The following PCSK6 variants were observed in gnomAD, a reference collection of about 807,000 sequenced individuals.
The protein encoded by PCSK6 is proprotein convertase subtilisin/kexin type 6.
A neutral mutation model predicts 123.3 loss-of-function variants in PCSK6; 85 were observed. The ratio of observed to expected loss-of-function variants is 0.69; its 90% CI spans 0.58 to 0.83. The LOEUF is 0.83. Ranked by LOEUF, PCSK6 falls within the 40% of genes least tolerant of loss-of-function variation. The pLI is 0.00. For missense variants in PCSK6, 1,191 were observed against 1,282.3 expected (o/e 0.93, Z 1.09); for synonymous variants, 508 against 516.0 (o/e 0.98, Z 0.21).
chr15:101,391,793 G>A (rs2042241325), intron 8 of PCSK6, among the ~76,000 whole-genome samples: 1 of 94,528 alleles, frequency 1.1e-5, no homozygotes, highest in Admixed American at 1.2e-4. Context: ...TAGTAGAGCT[G>A]AAAATAACAC....
chr15:101,444,562 C>T (rs1319149476), intron 1 of PCSK6, among the ~76,000 whole-genome samples: 1 of 152,138 alleles, frequency 6.6e-6, no homozygotes, highest in Non-Finnish European at 1.5e-5. Context: ...TCCTCTACAG[C>T]AGTTCTATAT....
chr15:101,312,558 T>C (rs2073593), intron 20 of PCSK6, among the ~76,000 whole-genome samples: 1 of 152,110 alleles, frequency 6.6e-6, no homozygotes, highest in South Asian at 2.1e-4. Context: ...AGGCCAGGTG[T>C]GGTGGCTCAC....
chr15:101,375,655 A>G (rs959600360), intron 11 of PCSK6, among the ~76,000 whole-genome samples: 8 of 151,834 alleles, frequency 5.3e-5, no homozygotes, highest in African/African-American at 1.9e-4. Flanking sequence ...GAGTGGTAAC[A>G]TAATGAGTCC....
intron 16 of PCSK6, among the ~76,000 whole-genome samples, chr15:101,325,492 G>A (rs1484254900): frequency 1.3e-5 from 2 of 152,208 alleles, no homozygotes; most frequent in African/African-American, 4.8e-5. Flanking sequence ...TGGGCACCCG[G>A]CTTGACCTTG....
At chr15:101,336,043 G>T (rs1449906071) in intron 13 of PCSK6, among the ~76,000 whole-genome samples, 6 of 152,322 alleles carry the variant, frequency 3.9e-5, no homozygotes, top group Admixed American at 3.9e-4. Flanking sequence ...TGAATATGGG[G>T]TCTGCTACTG....
At chr15:101,485,115 C>T (rs1407501093) in intron 1 of PCSK6, among the ~76,000 whole-genome samples, 3 of 152,286 alleles carry the variant, frequency 2.0e-5, no homozygotes, top group East Asian at 1.9e-4. Context: ...TCTTCCGTGT[C>T]GGGAAATCCA....
At chr15:101,386,021 T>C (rs2042050781) in intron 9 of PCSK6, among the ~76,000 whole-genome samples, 1 of 151,680 alleles carries the variant, frequency 6.6e-6, no homozygotes, top group Non-Finnish European at 1.5e-5. Flanking sequence ...AAACACATAC[T>C]CTTTCCTTCC....
chr15:101,449,616 T>C (rs903159296), intron 1 of PCSK6, among the ~76,000 whole-genome samples: 1 of 152,140 alleles, frequency 6.6e-6, no homozygotes, highest in African/African-American at 2.4e-5. Flanking sequence ...CCTTCGTACA[T>C]GTCAGCTTCA....
At chr15:101,348,605 A>G (rs1279703947) in intron 13 of PCSK6, among the ~76,000 whole-genome samples, 1 of 152,244 alleles carries the variant, frequency 6.6e-6, no homozygotes, top group Non-Finnish European at 1.5e-5. Flanking sequence ...TTCTGATGTT[A>G]TAGGCACTAT....
In PCSK6 at chr15:101,423,833, A is replaced by G. The variant is rs139242309; in HGVS notation, c.823+4059T>C. On this transcript the variant is annotated intron_variant, in intron 6 of 21. Transcript: ENST00000611716. ...AAAAGAATAACCCACTAAGAAGCAC[A>G]GAAAACCCAAGATGGAATTAATACG... 7.0e-3 allele frequency among the ~76,000 whole-genome samples: 1,064 copies of G among 152,358 alleles called. 4 individuals carry two copies. The highest frequency in any genetic ancestry group is 0.011 in the Non-Finnish European group (715 of 68,040).
intron 21 of PCSK6, among the ~76,000 whole-genome samples, chr15:101,306,436 TGCCA>T (rs1243454723): frequency 3.3e-5 from 5 of 152,138 alleles, no homozygotes; most frequent in African/African-American, 1.2e-4. Flanking sequence ...ACAGGGCCAG[TGCCA>T]GCTTCATACC....
intron 13 of PCSK6, chr15:101,364,974 C>T: frequency 1.3e-6 from 1 of 777,694 alleles, no homozygotes; most frequent in South Asian, 1.3e-5. Flanking sequence ...ACCAATGGAA[C>T]AGAATCGAGA....
At chr15:101,378,167 A>G (rs1461385215) in intron 11 of PCSK6, among the ~76,000 whole-genome samples, 3 of 152,258 alleles carry the variant, frequency 2.0e-5, no homozygotes, top group East Asian at 3.8e-4. Context: ...ATATAAAAAT[A>G]TCAACTTTAT....
chr15:101,393,075 T>C (rs1034423619), intron 8 of PCSK6, 137 bp downstream of exon 8: 49 of 755,354 alleles, frequency 6.5e-5, no homozygotes, highest in Admixed American at 4.9e-4. Flanking sequence ...TGTTCGCCGA[T>C]GGGTGAGGCT....
At position 101,370,978 on chromosome 15, in the gene PCSK6, G is replaced by A. The variant is rs966897025; in HGVS notation, c.1533-455C>T. Among the ~76,000 whole-genome samples, 3 of 152,290 alleles carry A rather than the reference G, an allele frequency of 2.0e-5. No individual in the cohort carries two copies. In the East Asian group the frequency reaches 5.8e-4, roughly 29 times the overall value. On this transcript the variant is annotated intron_variant, in intron 11 of 21. Transcript: ENST00000611716. ...TTGTCTTATACAAAGTGGGGGGAGG[G>A]GGAGGGCAGATCACAAGGTCAGGAG... is the stretch of plus-strand genomic sequence containing the variant.
intron 13 of PCSK6, among the ~76,000 whole-genome samples, chr15:101,352,240 C>T (rs901949526): frequency 5.3e-5 from 8 of 149,604 alleles, no homozygotes; most frequent in East Asian, 2.0e-4. Flanking sequence ...CTCTGCCTCC[C>T]GGGTTCATGC....
intron 6 of PCSK6, among the ~76,000 whole-genome samples, chr15:101,424,127 T>C (rs1367594918): frequency 1.3e-5 from 2 of 151,734 alleles, no homozygotes; most frequent in African/African-American, 2.4e-5. Flanking sequence ...CCCAGATACT[T>C]GGGAGGCTCG....
chr15:101,477,236 T>TGTGTGTGC (rs1253766709), intron 1 of PCSK6, among the ~76,000 whole-genome samples: 1 of 151,894 alleles, frequency 6.6e-6, no homozygotes, highest in East Asian at 1.9e-4. Context: ...GGTGAATATA[T>TGTGTGTGC]GTGTGTGCGT....
intron 1 of PCSK6, among the ~76,000 whole-genome samples, chr15:101,453,314 C>T (rs976364025): frequency 6.6e-5 from 10 of 152,212 alleles, no homozygotes; most frequent in African/African-American, 2.4e-4. Flanking sequence ...ATACCTCACC[C>T]CCAGGCAGAG....
Sources: gnomAD v4.1 joint callset for allele counts (sites outside exome capture counted in the v4.1 genomes callset) on GRCh38, gnomAD v4.1.1 for gene constraint, MANE v1.5 for transcripts, NCBI Gene and HGNC (gene_info 2026-07-23, HGNC 2026-07-21) for gene names.